NLGN4X: variants seen among roughly 807,000 people sequenced by gnomAD.
NLGN4X encodes the protein neuroligin-4, X-linked.
In NLGN4X, 3 loss-of-function variants were observed where a neutral mutation model predicts 40.3. The observed-to-expected ratio is 0.07, with a 90% CI of 0.03 to 0.19. The LOEUF (loss-of-function observed/expected upper bound fraction) is 0.19, where lower values mean the gene tolerates loss of function less well. Among genes scored for constraint, NLGN4X ranks in the 10% least tolerant of loss-of-function variants. The probability of loss-of-function intolerance (pLI) is 1.00; values close to 1 mark genes in which losing one functional copy is unlikely to be tolerated. For missense variants in NLGN4X, 382 were observed against 708.3 expected, an observed-to-expected ratio of 0.54 and a Z score of 5.23; for synonymous variants, 270 against 306.8, an observed-to-expected ratio of 0.88 and a Z score of 1.25.
At chrX:6,116,060 A>G (rs768374647) in intron 2 of NLGN4X, among the ~76,000 whole-genome samples, 12 of 109,083 alleles carry the variant, frequency 1.1e-4, no homozygotes, top group Middle Eastern at 4.7e-3. Context: ...TTGGGAGGCC[A>G]AGGTGGGTGC....
intron 4 of NLGN4X, 49 bp downstream of exon 4, chrX:5,909,005 T>G (rs1172113396): frequency 5.9e-6 from 7 of 1,178,456 alleles, no homozygotes; most frequent in Non-Finnish European, 8.1e-6. Flanking sequence ...GACCATTCAT[T>G]TCTTGGTTCA....
chrX:6,163,512 C>A (rs2040441128), intron 1 of NLGN4X, among the ~76,000 whole-genome samples: 1 of 111,990 alleles, frequency 8.9e-6, no homozygotes, highest in Non-Finnish European at 1.9e-5. Context: ...GCCTGTGCTC[C>A]ATTGCTTTTC....
intron 2 of NLGN4X, among the ~76,000 whole-genome samples, chrX:6,146,160 C>A (rs1488396706): frequency 9.0e-6 from 1 of 111,017 alleles, no homozygotes; most frequent in Non-Finnish European, 1.9e-5. Context: ...TATGGCACTG[C>A]CAGAAACAGC....
intron 2 of NLGN4X, among the ~76,000 whole-genome samples, chrX:6,103,285 C>T (rs902221962): frequency 1.1e-4 from 12 of 112,030 alleles, no homozygotes; most frequent in Admixed American, 3.8e-4. Flanking sequence ...GACAAACTCA[C>T]TCATGTGCCT....
At chrX:6,131,847 C>T (rs1247986314) in intron 2 of NLGN4X, among the ~76,000 whole-genome samples, 1 of 111,874 alleles carries the variant, frequency 8.9e-6, no homozygotes, top group Non-Finnish European at 1.9e-5. Context: ...CCAAGCACAA[C>T]AATTTTCTCA....
intron 2 of NLGN4X, among the ~76,000 whole-genome samples, chrX:6,141,301 G>C (rs958888667): frequency 9.0e-6 from 1 of 111,572 alleles, no homozygotes; most frequent in African/African-American, 3.3e-5. Context: ...ATGGCTTCCA[G>C]TACCCCACTC....
At chrX:6,155,143 A>T (rs1344878306) in intron 1 of NLGN4X, among the ~76,000 whole-genome samples, 1 of 109,816 alleles carries the variant, frequency 9.1e-6, no homozygotes, top group African/African-American at 3.3e-5. Context: ...AGATGCTTTT[A>T]AAAAAAAATA....
Position 6,114,521 on chromosome X carries a change from AACACACACACAC to A in NLGN4X, c.472+36462_472+36473del, listed in dbSNP as rs529608747. 2.9e-3 allele frequency among the ~76,000 whole-genome samples: 278 copies of A among 95,665 alleles called. 1 individual carries two copies. The highest frequency in any genetic ancestry group is 6.3e-3 in the South Asian group (12 of 1,900). 83.1% of individuals were successfully genotyped at this position (95,665 alleles called of 115,157 possible). A position where few individuals can be genotyped will look rare whatever the true frequency, so the allele number is the denominator to read the frequency against. ...TCAGCCTCTTTCCATCAAAGTGGCA[AACACACACACAC>A]ACACACACACACACACACACACACA... On this transcript the variant is annotated intron_variant, in intron 2 of 5. Coordinates refer to ENST00000381095, the MANE Select transcript of NLGN4X (RefSeq NM_181332.3).
intron 3 of NLGN4X, among the ~76,000 whole-genome samples, chrX:5,956,987 T>C (rs923733038): frequency 1.8e-5 from 2 of 108,386 alleles, no homozygotes; most frequent in Admixed American, 9.9e-5. Flanking sequence ...GTGTGTGTGT[T>C]TGTGTGTGTT....
chrX:6,003,531 T>G (rs1262109064), intron 3 of NLGN4X, among the ~76,000 whole-genome samples: 2 of 111,964 alleles, frequency 1.8e-5, no homozygotes, highest in Non-Finnish European at 3.8e-5. Context: ...AACGAAAATT[T>G]GTTTTCCTTC....
chrX:6,011,311 G>A (rs917659475), intron 3 of NLGN4X, among the ~76,000 whole-genome samples: 5 of 109,267 alleles, frequency 4.6e-5, no homozygotes, highest in Admixed American at 9.9e-5. Context: ...TAAAGCAAGC[G>A]TATTTCCATT....
chrX:6,180,723 T>TA (rs952384975), intron 1 of NLGN4X, among the ~76,000 whole-genome samples: 33 of 110,856 alleles, frequency 3.0e-4, no homozygotes, highest in Non-Finnish European at 5.1e-4. Context: ...GGCAGAACTG[T>TA]ACTAAAAAAA....
intron 2 of NLGN4X, among the ~76,000 whole-genome samples, chrX:6,040,948 AT>A (rs1367064081): frequency 8.9e-6 from 1 of 111,759 alleles, no homozygotes; most frequent in East Asian, 2.8e-4. Flanking sequence ...CCCCAAAAAA[AT>A]ATGGTACCAT....
chrX:6,082,843 G>A (rs372246604), intron 2 of NLGN4X, among the ~76,000 whole-genome samples: 63 of 108,385 alleles, frequency 5.8e-4, no homozygotes, highest in African/African-American at 2.0e-3. Flanking sequence ...AGTAAAAGAA[G>A]CTAACACTGG....
intron 2 of NLGN4X, among the ~76,000 whole-genome samples, chrX:6,139,803 C>T (rs767053103): frequency 8.9e-6 from 1 of 111,771 alleles, no homozygotes; most frequent in South Asian, 3.8e-4. Context: ...TCCACTTAGA[C>T]TCACCCAAGG....
Position 6,070,298 on chromosome X carries a change from C to A in NLGN4X, c.473-40866G>T, listed in dbSNP as rs748336115. 2.5e-4 allele frequency among the ~76,000 whole-genome samples: 28 copies of A among 111,366 alleles called. No individual in the cohort carries two copies. The East Asian group carries it at 6.5e-3, about 26-fold the overall frequency. On this transcript the variant is annotated intron_variant, in intron 2 of 5. Coordinates refer to ENST00000381095, the MANE Select transcript of NLGN4X (RefSeq NM_181332.3). ...CAAAAACATCACCACCATCAACAAA[C>A]AAAAATGCATATAACACTTCAAAAA... is the stretch of plus-strand genomic sequence containing the variant.
chrX:6,227,800 TCTTATCCGAGGCCCGGAGATG>T (rs1437092960), intron 1 of NLGN4X: 1 of 110,460 alleles, frequency 9.1e-6, no homozygotes, highest in Non-Finnish European at 1.9e-5. Flanking sequence ...CAAGCCGTCA[TCTTATCCGAGGCCCGGAGATG>T]AAGGAGGGAA....
At chrX:5,935,383 C>T (rs1042809429) in intron 3 of NLGN4X, among the ~76,000 whole-genome samples, 1 of 112,016 alleles carries the variant, frequency 8.9e-6, no homozygotes, top group Non-Finnish European at 1.9e-5. Flanking sequence ...AATGATACAA[C>T]ATTGGAAGCC....
intron 3 of NLGN4X, among the ~76,000 whole-genome samples, chrX:5,968,457 CTGTGTGTGTGTGTGTGTGTGTG>C (rs529573810): frequency 6.4e-5 from 3 of 47,018 alleles, no homozygotes; most frequent in African/African-American, 3.3e-4. Context: ...CTCTCTCTCT[CTGTGTGTGTGTGTGTGTGTGTG>C]TGTGTGTGTG....
Sources: gnomAD v4.1 joint callset for allele counts (sites outside exome capture counted in the v4.1 genomes callset) on GRCh38, gnomAD v4.1.1 for gene constraint, MANE v1.5 for transcripts, NCBI Gene and HGNC (gene_info 2026-07-23, HGNC 2026-07-21) for gene names.